ZFAND6: variants seen among roughly 807,000 people sequenced by gnomAD.
The protein encoded by ZFAND6 is zinc finger AN1-type containing 6.
In ZFAND6, 12 loss-of-function variants were observed where a neutral mutation model predicts 24.5. The observed-to-expected ratio is 0.49, with a 90% CI of 0.31 to 0.79. The LOEUF (loss-of-function observed/expected upper bound fraction) is 0.79, where lower values mean the gene tolerates loss of function less well. Ranked by LOEUF, ZFAND6 falls within the 30% of genes least tolerant of loss-of-function variation. The pLI, the probability that ZFAND6 is intolerant of heterozygous loss-of-function variation, is 0.04. For missense variants in ZFAND6, 207 were observed against 245.9 expected (o/e 0.84, Z 1.06); for synonymous variants, 92 against 81.5 (o/e 1.13, Z -0.69).
At position 80,105,297 on chromosome 15, in the gene ZFAND6, G is replaced by A. The variant is rs78190597; in HGVS notation, c.-18+6719G>A. 4.8e-3 allele frequency among the ~76,000 whole-genome samples: 724 copies of A among 152,198 alleles called. 6 individuals are homozygous for A. Among genetic ancestry groups the A allele is most frequent in the African/African-American group, 0.016 (670 of 41,510 alleles). The stretch of plus-strand genomic sequence containing the variant: ...TTCCATCACACTTTTAATAAAAAAC[G>A]GTATCATCTCAGGTGGAAGTGAGGC... On this transcript the variant is annotated intron_variant, in intron 2 of 6. Coordinates refer to ENST00000261749, the MANE Select transcript of ZFAND6 (RefSeq NM_019006.4).
intron 2 of ZFAND6, among the ~76,000 whole-genome samples, chr15:80,107,087 C>T (rs897456210): frequency 2.6e-5 from 4 of 152,056 alleles, no homozygotes; most frequent in Admixed American, 6.6e-5. Context: ...TGGTGGCGGA[C>T]GCCAGTAATC....
intron 2 of ZFAND6, among the ~76,000 whole-genome samples, chr15:80,116,908 C>T (rs577313585): frequency 6.6e-6 from 1 of 152,240 alleles, no homozygotes; most frequent in African/African-American, 2.4e-5. Context: ...TGTCCTGTTA[C>T]ATTAAAATTC....
In ZFAND6 at chr15:80,079,222, T is replaced by C. The variant is rs149443214; in HGVS notation, c.-180-19194T>C. 2.6e-3 allele frequency among the ~76,000 whole-genome samples: 397 copies of C among 152,326 alleles called. 8 individuals are homozygous for C. The East Asian group carries it at 0.04, about 15-fold the overall frequency. ...TAGATTATCTGTTTACTCTGTTCTT[T>C]CTTTCCTTTTTTTTTGGAGACGGAG... On this transcript the variant is annotated intron_variant, in intron 1 of 6. Transcript: ENST00000261749.
chr15:80,082,636 C>CT (rs1236571206), intron 1 of ZFAND6, among the ~76,000 whole-genome samples: 1 of 152,154 alleles, frequency 6.6e-6, no homozygotes, highest in Non-Finnish European at 1.5e-5. Flanking sequence ...TGTCAAGTGA[C>CT]TTTCTGGGAA....
At chr15:80,066,045 C>T (rs1019791257) in intron 1 of ZFAND6, among the ~76,000 whole-genome samples, 5 of 152,086 alleles carry the variant, frequency 3.3e-5, no homozygotes, top group African/African-American at 1.2e-4. Flanking sequence ...AGTATTTAAG[C>T]ACCTGCTCCA....
chr15:80,132,515 C>G (rs1236883782), intron 6 of ZFAND6, among the ~76,000 whole-genome samples: 1 of 152,076 alleles, frequency 6.6e-6, no homozygotes, highest in East Asian at 1.9e-4. Flanking sequence ...TACTATACTT[C>G]TCTAATAATT....
chr15:80,088,785 TAGTAGTGGCTATTTAA>T (rs1182520875), intron 1 of ZFAND6, among the ~76,000 whole-genome samples: 1 of 152,186 alleles, frequency 6.6e-6, no homozygotes, highest in Admixed American at 6.5e-5. Flanking sequence ...ATATGGTAGT[TAGTAGTGGCTATTTAA>T]ATTTATTAAA....
At chr15:80,069,222 T>A (rs190467773) in intron 1 of ZFAND6, among the ~76,000 whole-genome samples, 1 of 152,366 alleles carries the variant, frequency 6.6e-6, no homozygotes, top group East Asian at 1.9e-4. Flanking sequence ...ATCTATGATA[T>A]GTTGTTTGGC....
intron 3 of ZFAND6, 31 bp from the exon 4 acceptor site, chr15:80,121,681 A>G (rs2040153387): frequency 6.4e-7 from 1 of 1,562,948 alleles, no homozygotes; most frequent in African/African-American, 1.4e-5. Context: ...AGCATATAGA[A>G]TCACTAATAC....
In ZFAND6 at chr15:80,130,962, A is replaced by G. The variant is rs974097862; in HGVS notation, c.365-218A>G. 7.2e-6 allele frequency: 3 copies of G among 414,810 alleles called. No individual in the cohort carries two copies. In the East Asian group the frequency reaches 1.0e-4, roughly 14 times the overall value. 25.7% of individuals were successfully genotyped at this position (414,810 alleles called of 1,614,324 possible). On this transcript the variant is annotated intron_variant, in intron 5 of 6. Coordinates refer to ENST00000261749, the MANE Select transcript of ZFAND6 (RefSeq NM_019006.4). ...GAAAGTCTATAAAACCACTGTTAAC[A>G]TATCATTACATATTCTAGATTATTT...
intron 2 of ZFAND6, among the ~76,000 whole-genome samples, chr15:80,118,010 A>G (rs1296808431): frequency 9.4e-6 from 1 of 106,354 alleles, no homozygotes; most frequent in Non-Finnish European, 2.1e-5. Flanking sequence ...CAATCCAGGT[A>G]TTGAATTGTG....
intron 1 of ZFAND6, among the ~76,000 whole-genome samples, chr15:80,089,432 T>A (rs1282003208): frequency 3.3e-5 from 5 of 151,954 alleles, no homozygotes; most frequent in Non-Finnish European, 5.9e-5. Flanking sequence ...ATTTTTGTAT[T>A]CTTAGTAGAG....
intron 4 of ZFAND6, among the ~76,000 whole-genome samples, chr15:80,122,114 T>C (rs952992826): frequency 1.3e-5 from 2 of 152,178 alleles, no homozygotes; most frequent in African/African-American, 4.8e-5. Flanking sequence ...GTTAGTCTTA[T>C]TCTGCAAGTA....
chr15:80,104,534 T>TC (rs1451628774), intron 2 of ZFAND6, among the ~76,000 whole-genome samples: 28 of 150,866 alleles, frequency 1.9e-4, no homozygotes, highest in Non-Finnish European at 2.9e-4. Context: ...AGTCAGTCAG[T>TC]CAATCCATCC....
At chr15:80,129,918 G>GT (rs1439871338) in intron 5 of ZFAND6, 4 of 152,196 alleles carry the variant, frequency 2.6e-5, no homozygotes, top group African/African-American at 4.8e-5. Flanking sequence ...GCAAAAGAGA[G>GT]TTTGATATGT....
Position 80,131,208 on chromosome 15 carries a change from A to G in ZFAND6, c.393A>G (p.Pro131=). 1 of 1,611,374 alleles carries G rather than the reference A, an allele frequency of 6.2e-7. No homozygotes were observed. The highest frequency in any genetic ancestry group is 8.5e-7 in the Non-Finnish European group (1 of 1,178,824). Residue 131 remains proline (P), a synonymous_variant, in exon 6 of 7, where the codon CCA becomes CCG. Transcript: ENST00000261749. The stretch of plus-strand genomic sequence containing the variant: ...CAGTATCAGACACAGCACAGCAGCC[A>G]TCTGAAGAGCAAAGCAAGTCTCTTG... ...QASVSDTAQQ[P]SEEQSKSLEK... is the part of the protein sequence containing the mutation.
chr15:80,124,374 G>A (rs35094058), intron 5 of ZFAND6, among the ~76,000 whole-genome samples: 4,420 of 151,554 alleles, frequency 0.029, 250 homozygotes, highest in East Asian at 0.22. Context: ...CGGAGCTTGC[G>A]GTGAGCCGAG....
chr15:80,078,823 G>GGT (rs1596207796), intron 1 of ZFAND6, among the ~76,000 whole-genome samples: 2 of 150,968 alleles, frequency 1.3e-5, no homozygotes, highest in East Asian at 3.9e-4. Flanking sequence ...GTAATGTTGA[G>GGT]CATTTTTTCA....
In ZFAND6 at chr15:80,107,584, G is replaced by A. The variant is rs533690561; in HGVS notation, c.-18+9006G>A. On this transcript the variant is annotated intron_variant, in intron 2 of 6. Coordinates refer to ENST00000261749, the MANE Select transcript of ZFAND6 (RefSeq NM_019006.4). ...TCATGCCTGTAATCCCAGCTCTTTGGGAGGCTGAAGCGGGTGGGTCACCTG... is the reference window on the plus strand; with the variant it reads ...TCATGCCTGTAATCCCAGCTCTTTGAGAGGCTGAAGCGGGTGGGTCACCTG... 2.0e-5 allele frequency among the ~76,000 whole-genome samples: 3 copies of A among 152,208 alleles called. No homozygotes were observed. The East Asian group carries it at 5.8e-4, about 29-fold the overall frequency.
Sources: allele counts gnomAD v4.1 joint callset (sites outside exome capture counted in the v4.1 genomes callset), GRCh38; gene constraint gnomAD v4.1.1; transcripts MANE v1.5; gene names NCBI Gene and HGNC (gene_info 2026-07-23, HGNC 2026-07-21).